Variants in NOL8 observed in about 807,000 individuals in gnomAD.
NOL8 encodes the protein nucleolar protein 8.
NOL8 carries 93 observed loss-of-function variants against 116.1 expected under a neutral mutation model. The ratio of observed to expected loss-of-function variants is 0.80; its 90% CI spans 0.68 to 0.95. The LOEUF is 0.95. Ranked by LOEUF, NOL8 falls within the 40% of genes least tolerant of loss-of-function variation. NOL8 has a pLI of 0.00. For missense variants in NOL8, 1,291 were observed against 1,382.8 expected (o/e 0.93, Z 1.05); for synonymous variants, 419 against 469.0 (o/e 0.89, Z 1.38).
chr9:92,322,254 G>A (rs1839989507), intron 3 of NOL8, among the ~76,000 whole-genome samples: 1 of 152,192 alleles, frequency 6.6e-6, no homozygotes. Flanking sequence ...TGACTGAACT[G>A]TTTGAATTAC....
rs1406498770 is a variant in NOL8 at position 92,316,054 on chromosome 9, G to A, written c.571C>T (p.Leu191=). 2 of 1,613,960 alleles carry A rather than the reference G, an allele frequency of 1.2e-6. No individual in the cohort carries two copies. The highest frequency in any genetic ancestry group is 8.5e-7 in the Non-Finnish European group (1 of 1,179,890). ...TTCCCTCCTTCTAATTCCCAAGTCA[G>A]GCTGGATATAGGAATGGTGTTTGAG... The part of the protein sequence containing the change: ...DFSNTIPISS[L]TWELEGGNDP... Residue 191 remains leucine (L), a synonymous_variant, in exon 7 of 17, where the codon CTG becomes TTG. Coordinates refer to ENST00000442668, the MANE Select transcript of NOL8 (RefSeq NM_017948.6).
Position 92,318,692 on chromosome 9 carries a change from A to AG in NOL8, c.418-7dup. 6.4e-7 allele frequency: 1 copy of AG among 1,554,028 alleles called. No individual in the cohort carries two copies. Among genetic ancestry groups the AG allele is most frequent in the Non-Finnish European group, 8.7e-7 (1 of 1,146,200 alleles). On this transcript the variant is annotated splice_polypyrimidine_tract_variant and splice_region_variant and intron_variant, in intron 5 of 16. Transcript: ENST00000442668. ...AATTTGCTCACAACCCAATTCTAAA[A>AG]GAAAAAAAAAGAATTTATTTACTAT...
chr9:92,325,061 C>G (rs931624585), intron 1 of NOL8: 1 of 152,180 alleles, frequency 6.6e-6, no homozygotes. Context: ...TCGTTTAGCA[C>G]CCGGCAGGCG....
At position 92,314,510 on chromosome 9, in the gene NOL8, TTC is replaced by T; in HGVS notation, c.2113_2114del (p.Glu705SerfsTer8). On this transcript the variant is annotated frameshift_variant, in exon 7 of 17. Coordinates refer to ENST00000442668, the MANE Select transcript of NOL8 (RefSeq NM_017948.6). LOFTEE classifies it high-confidence loss of function. ...KDSCHSTTKT[E>X]ASQEERSDSS... is the part of the protein sequence containing the mutation. Reference sequence around the variant, plus strand: ...AATCAGACCGCTCTTCCTGTGAAGCTTCTGTCTTTGTGGTACTATGGCAGCTG... The same window carrying T: ...AATCAGACCGCTCTTCCTGTGAAGCTTGTCTTTGTGGTACTATGGCAGCTG... 2.5e-6 allele frequency: 4 copies of T among 1,613,742 alleles called. No homozygotes were observed. The highest frequency in any genetic ancestry group is 1.3e-5 in the African/African-American group (1 of 75,066).
At position 92,315,225 on chromosome 9, in the gene NOL8, T is replaced by A; in HGVS notation, c.1400A>T (p.Asp467Val). 6.2e-7 allele frequency: 1 copy of A among 1,613,966 alleles called. No individual in the cohort carries two copies. Among genetic ancestry groups the A allele is most frequent in the African/African-American group, 1.3e-5 (1 of 75,042 alleles). ...EDADSASELA[D>V]SEGGEEYNAM... Reference sequence around the variant, plus strand: ...ATTATACTCCTCACCTCCTTCAGAGTCAGCTAATTCTGATGCAGAATCAGC... The same window carrying A: ...ATTATACTCCTCACCTCCTTCAGAGACAGCTAATTCTGATGCAGAATCAGC... Residue 467 changes from aspartate to valine, a missense_variant, in exon 7 of 17, where the codon GAC becomes GTC. Coordinates refer to ENST00000442668, the MANE Select transcript of NOL8 (RefSeq NM_017948.6).
intron 11 of NOL8, 102 bp downstream of exon 11, chr9:92,306,784 G>C: frequency 9.4e-7 from 1 of 1,066,028 alleles, no homozygotes; most frequent in African/African-American, 1.6e-5. Context: ...ATTGCCAGCT[G>C]CCTCCCCAGG....
At chr9:92,312,312 G>A (rs1373530794) in intron 7 of NOL8, among the ~76,000 whole-genome samples, 1 of 151,626 alleles carries the variant, frequency 6.6e-6, no homozygotes, top group Non-Finnish European at 1.5e-5. Flanking sequence ...AAATTAGCTG[G>A]GCATGGTGGC....
intron 16 of NOL8, among the ~76,000 whole-genome samples, 152 bp from the exon 17 acceptor site, chr9:92,298,038 T>G (rs1837391615): frequency 6.6e-6 from 1 of 152,216 alleles, no homozygotes. Context: ...TTGGCATTTT[T>G]GGCATTAACT....
chr9:92,298,041 C>T (rs975538596), intron 16 of NOL8, among the ~76,000 whole-genome samples, 155 bp from the exon 17 acceptor site: 15 of 152,144 alleles, frequency 9.9e-5, no homozygotes, highest in African/African-American at 3.6e-4. Context: ...GCATTTTTGG[C>T]ATTAACTGTT....
chr9:92,298,402 G>T, intron 15 of NOL8, 66 bp from the exon 16 acceptor site: 3 of 1,000,126 alleles, frequency 3.0e-6, no homozygotes, highest in Non-Finnish European at 4.5e-6. Flanking sequence ...TATTCTAAGT[G>T]TTGGCATTAT....
intron 6 of NOL8, among the ~76,000 whole-genome samples, chr9:92,316,412 A>G (rs1839417432): frequency 6.6e-6 from 1 of 152,168 alleles, no homozygotes; most frequent in Non-Finnish European, 1.5e-5. Context: ...TATTCAGATT[A>G]TATTATAGGT....
rs1838192912 is a variant in NOL8 at position 92,305,804 on chromosome 9, T to C, written c.2852A>G (p.Lys951Arg). ...TCTTTCGTAAGTGGCATGGTCTTGC[T>C]TCGTTGGATCATAATGTATGATGTC... ...FKDIIHYDPTKQDHATYERKR... is the reference protein window; with the variant it reads ...FKDIIHYDPTRQDHATYERKR... Residue 951 changes from lysine (K) to arginine (R), a missense_variant, in exon 12 of 17, where the codon AAG becomes AGG. Lys to Arg is a conservative substitution (Grantham distance 26). Coordinates refer to ENST00000442668, the MANE Select transcript of NOL8 (RefSeq NM_017948.6). The C allele has an allele frequency of 6.2e-7, 1 of 1,612,850 alleles. No homozygotes were observed.
chr9:92,300,887 A>G (rs188693887), intron 13 of NOL8: 1 of 1,015,330 alleles, frequency 9.8e-7, no homozygotes, highest in East Asian at 8.4e-5. Context: ...TTTAAAGTAG[A>G]ATCATTGTAG....
At chr9:92,300,752 A>G in intron 13 of NOL8, 1 of 1,196,528 alleles carries the variant, frequency 8.4e-7, no homozygotes, top group Non-Finnish European at 1.1e-6. Context: ...AGTTGGTATT[A>G]TCTGCTAGTG....
At chr9:92,308,586 T>C (rs562375566) in intron 10 of NOL8, among the ~76,000 whole-genome samples, 1 of 152,182 alleles carries the variant, frequency 6.6e-6, no homozygotes, top group East Asian at 1.9e-4. Context: ...ATTTGAAAAA[T>C]ACTCATGTGC....
intron 13 of NOL8, 85 bp downstream of exon 13, chr9:92,301,466 A>T: frequency 9.3e-7 from 1 of 1,072,798 alleles, no homozygotes; most frequent in Non-Finnish European, 1.3e-6. Flanking sequence ...TTCAGCTAAC[A>T]TGAAATCTGT....
chr9:92,314,460 T>C lies in NOL8; in HGVS notation c.2165A>G (p.Lys722Arg). The C allele has an allele frequency of 6.2e-7, 1 of 1,612,796 alleles. No individual in the cohort carries two copies. The highest frequency in any genetic ancestry group is 1.1e-5 in the South Asian group (1 of 91,050). ...SDSSGLTSLK[K>R]SPKVSSKDTR... ...GTCCTTGGATGAGACCTTTGGTGAT[T>C]TCTTGAGAGATGTGAGGCCGCTTGA... The change falls in exon 7 of 17, where the codon AAA (lysine) becomes AGA (arginine). Residue 722 changes from lysine to arginine, a missense_variant. Physicochemically the swap from Lys to Arg is conservative, Grantham distance 26. Coordinates refer to ENST00000442668, the MANE Select transcript of NOL8 (RefSeq NM_017948.6).
At chr9:92,318,837 A>T in intron 5 of NOL8, 151 bp from the exon 6 acceptor site, 1 of 570,048 alleles carries the variant, frequency 1.8e-6, no homozygotes. Flanking sequence ...TACCAAAGAG[A>T]AAAATTGTGA....
rs755907479 is a variant in NOL8 at position 92,305,778 on chromosome 9, T to C, written c.2878A>G (p.Lys960Glu). 1.9e-6 allele frequency: 3 copies of C among 1,612,058 alleles called. No individual in the cohort carries two copies. Among genetic ancestry groups the C allele is most frequent in the African/African-American group, 1.3e-5 (1 of 74,846 alleles). The change falls in exon 12 of 17, where the codon AAA becomes GAA. Residue 960 changes from lysine (K) to glutamate (E), a missense_variant. Physicochemically the swap from Lys to Glu is moderately conservative, Grantham distance 56 (BLOSUM62 1). Coordinates refer to ENST00000442668, the MANE Select transcript of NOL8 (RefSeq NM_017948.6). The stretch of plus-strand genomic sequence containing the variant: ...CTTTCTTTTGGCTTATCATCTCTTT[T>C]TCTTTCGTAAGTGGCATGGTCTTGC... Reference protein sequence around the residue: ...TKQDHATYERKRDDKPKESKA... With the variant: ...TKQDHATYERERDDKPKESKA...
Sources: gnomAD v4.1 joint callset for allele counts (sites outside exome capture counted in the v4.1 genomes callset) on GRCh38, gnomAD v4.1.1 for gene constraint, MANE v1.5 for transcripts, NCBI Gene and HGNC (gene_info 2026-07-23, HGNC 2026-07-21) for gene names.